The following TMTC4 variants were observed in gnomAD, a reference collection of about 807,000 sequenced individuals.
The protein encoded by TMTC4 is transmembrane O-mannosyltransferase targeting cadherins 4.
In TMTC4, 65 loss-of-function variants were observed where a neutral mutation model predicts 86.0. The observed-to-expected ratio is 0.76, with a 90% CI of 0.62 to 0.93. The LOEUF is 0.93. Among genes scored for constraint, TMTC4 ranks in the 40% least tolerant of loss-of-function variants. The probability of loss-of-function intolerance (pLI) is 0.00; values close to 1 mark genes in which losing one functional copy is unlikely to be tolerated. For synonymous variants in TMTC4, 379 were observed against 382.5 expected (o/e 0.99, Z 0.11); for missense variants, 866 against 948.1 (o/e 0.91, Z 1.14).
intron 3 of TMTC4, among the ~76,000 whole-genome samples, chr13:100,667,809 C>T (rs888714096): frequency 2.0e-5 from 3 of 152,136 alleles, no homozygotes; most frequent in Admixed American, 1.3e-4. Flanking sequence ...GTGCCATTTC[C>T]GAGTTCTTTC....
At chr13:100,638,289 A>T in intron 7 of TMTC4, 1 of 329,746 alleles carries the variant, frequency 3.0e-6, no homozygotes, top group Non-Finnish European at 5.5e-6. Context: ...AAGATTCAGG[A>T]TAGCTAGAAA....
chr13:100,639,677 C>A (rs981601447), intron 7 of TMTC4, among the ~76,000 whole-genome samples: 1 of 152,164 alleles, frequency 6.6e-6, no homozygotes, highest in Non-Finnish European at 1.5e-5. Context: ...TGGTGGCTCA[C>A]GCCTGTAATC....
intron 5 of TMTC4, among the ~76,000 whole-genome samples, chr13:100,658,087 C>A (rs759466733): frequency 2.4e-4 from 37 of 152,074 alleles, no homozygotes; most frequent in Non-Finnish European, 1.0e-4. Flanking sequence ...AATCCAATTG[C>A]TTTATGAATG....
intron 15 of TMTC4, chr13:100,614,859 G>A: frequency 1.1e-6 from 1 of 926,130 alleles, no homozygotes; most frequent in Non-Finnish European, 1.3e-6. Flanking sequence ...TAAGTTCATT[G>A]TTGATAAAGT....
intron 7 of TMTC4, 38 bp from the exon 8 acceptor site, chr13:100,638,060 C>CAACACAA (rs760060518): frequency 1.9e-6 from 3 of 1,567,256 alleles, no homozygotes; most frequent in Non-Finnish European, 2.6e-6. Context: ...CACGGGAGAG[C>CAACACAA]TTGGCTGTGT....
chr13:100,663,072 C>G lies in TMTC4; in HGVS notation c.444G>C (p.Leu148=). Residue 148 remains leucine (L), a synonymous_variant, in exon 5 of 19, where the codon CTG becomes CTC. Transcript: ENST00000342624. ...SVLMVDVFSV[L]FGGLQYTSKG... Reference sequence around the variant, plus strand: ...TACTGGTGTACTGCAGGCCGCCAAACAGAACCGAGAAGACGTCCACCATGA... The same window carrying G: ...TACTGGTGTACTGCAGGCCGCCAAAGAGAACCGAGAAGACGTCCACCATGA... 1 of 1,614,226 alleles carries G rather than the reference C, an allele frequency of 6.2e-7. No individual in the cohort carries two copies. Among genetic ancestry groups the G allele is most frequent in the South Asian group, 1.1e-5 (1 of 91,086 alleles).
At chr13:100,614,471 C>T in intron 15 of TMTC4, 41 bp from the exon 16 acceptor site, 1 of 1,383,884 alleles carries the variant, frequency 7.2e-7, no homozygotes, top group East Asian at 2.3e-5. Flanking sequence ...TTCCAAGTTT[C>T]CTGCTTCCTC....
At chr13:100,657,793 G>A (rs1885284757) in intron 5 of TMTC4, among the ~76,000 whole-genome samples, 1 of 152,182 alleles carries the variant, frequency 6.6e-6, no homozygotes, top group Non-Finnish European at 1.5e-5. Context: ...TGATTCTCAA[G>A]TTCATGTGCA....
intron 17 of TMTC4, among the ~76,000 whole-genome samples, chr13:100,608,825 G>T (rs1877077114): frequency 6.6e-6 from 1 of 152,128 alleles, no homozygotes; most frequent in Non-Finnish European, 1.5e-5. Flanking sequence ...GAACAGAAAG[G>T]GGAAAAATAA....
intron 12 of TMTC4, among the ~76,000 whole-genome samples, chr13:100,633,260 G>T (rs1594291133): frequency 7.3e-6 from 1 of 136,290 alleles, no homozygotes; most frequent in Non-Finnish European, 1.5e-5. Flanking sequence ...AGTGAGCCGA[G>T]ATCAGGCCAC....
At chr13:100,632,765 C>T (rs1247129011) in intron 12 of TMTC4, among the ~76,000 whole-genome samples, 1 of 152,118 alleles carries the variant, frequency 6.6e-6, no homozygotes, top group African/African-American at 2.4e-5. Flanking sequence ...TGTCTGAAAT[C>T]ACTGCTTTCC....
Position 100,634,859 on chromosome 13 carries a change from C to T in TMTC4, c.1452G>A (p.Arg484=), listed in dbSNP as rs1056991889. ...CACTTCTGAAAAGCTGTTCCTCACTCCGCCACTCGCCGCTGCGCAGCACAC... is the reference window on the plus strand; with the variant it reads ...CACTTCTGAAAAGCTGTTCCTCACTTCGCCACTCGCCGCTGCGCAGCACAC... ...LRCVLRSGEW[R]SEEQLFRSAL... Residue 484 remains arginine, a synonymous_variant, in exon 12 of 19, where the codon CGG becomes CGA. Transcript: ENST00000342624. 1.2e-6 allele frequency: 2 copies of T among 1,614,076 alleles called. No individual in the cohort carries two copies. Among genetic ancestry groups the T allele is most frequent in the South Asian group, 1.1e-5 (1 of 91,080 alleles).
intron 12 of TMTC4, among the ~76,000 whole-genome samples, chr13:100,632,919 A>G (rs1881641225): frequency 6.6e-6 from 1 of 152,176 alleles, no homozygotes. Context: ...AATCTATACT[A>G]AAAGAAAATT....
rs1192415502 is a variant in TMTC4, at chr13:100,637,734, C to T, written c.835-32G>A. ...GGACATCGCAAAGCCCCAGAGGTGGCTGATTTTCACATAAAAGTGTGGCTG... is the reference window on the plus strand; with the variant it reads ...GGACATCGCAAAGCCCCAGAGGTGGTTGATTTTCACATAAAAGTGTGGCTG... On this transcript the variant is annotated intron_variant, in intron 8 of 18. Transcript: ENST00000342624. 23 of 1,601,732 alleles carry T rather than the reference C, an allele frequency of 1.4e-5. No individual in the cohort carries two copies. The Admixed American group carries it at 3.7e-4, about 26-fold the overall frequency.
chr13:100,665,697 C>T (rs1014839407), intron 3 of TMTC4, among the ~76,000 whole-genome samples: 63 of 152,202 alleles, frequency 4.1e-4, no homozygotes, highest in African/African-American at 1.4e-3. Flanking sequence ...GATGGGTGGC[C>T]CCAAAGAGCA....
At chr13:100,656,725 G>T (rs966411544) in intron 5 of TMTC4, among the ~76,000 whole-genome samples, 2 of 151,804 alleles carry the variant, frequency 1.3e-5, no homozygotes, top group African/African-American at 2.4e-5. Context: ...TGTATTTTTT[G>T]TAGAGACGGG....
chr13:100,662,745 C>A (rs529281202), intron 5 of TMTC4, among the ~76,000 whole-genome samples: 1 of 152,068 alleles, frequency 6.6e-6, no homozygotes, highest in African/African-American at 2.4e-5. Context: ...TTTTTTTTCA[C>A]AAGAGATGTC....
chr13:100,606,994 C>A (rs1277369681), intron 17 of TMTC4, among the ~76,000 whole-genome samples: 4 of 152,198 alleles, frequency 2.6e-5, no homozygotes, highest in Non-Finnish European at 4.4e-5. Flanking sequence ...TGAATTGATT[C>A]TTGCACAGCC....
chr13:100,626,263 AC>A, intron 12 of TMTC4, 113 bp from the exon 13 acceptor site: 1 of 1,088,262 alleles, frequency 9.2e-7, no homozygotes, highest in Non-Finnish European at 1.4e-6. Context: ...AAAAAAAATC[AC>A]CCACCAGAAC....
Sources: gnomAD v4.1 joint callset for allele counts (sites outside exome capture counted in the v4.1 genomes callset) on GRCh38, gnomAD v4.1.1 for gene constraint, MANE v1.5 for transcripts, NCBI Gene and HGNC (gene_info 2026-07-23, HGNC 2026-07-21) for gene names.